Variants in PRSS55 observed in about 807,000 individuals in gnomAD.
The protein encoded by PRSS55 is serine protease 55.
A neutral mutation model predicts 23.6 loss-of-function variants in PRSS55; 41 were observed. The observed-to-expected ratio is 1.74, with a 90% confidence interval of 1.35 to 2.26. The LOEUF (loss-of-function observed/expected upper bound fraction) is 2.26, where lower values mean the gene tolerates loss of function less well. PRSS55 is among the 30% of genes most tolerant of loss of function. The probability of loss-of-function intolerance (pLI) is 0.00; values close to 1 mark genes in which losing one functional copy is unlikely to be tolerated. For synonymous variants in PRSS55, 262 were observed against 175.5 expected (o/e 1.49, Z -3.90); for missense variants, 669 against 439.1 (o/e 1.52, Z -4.68).
intron 4 of PRSS55, chr8:10,545,254 A>G (rs7846484): frequency 0.57 from 86,024 of 150,810 alleles, 25,528 homozygotes; most frequent in South Asian, 0.74. Flanking sequence ...CTGGAGGGGA[A>G]TAGTGCAATC....
Position 10,526,193 on chromosome 8 carries a change from A to T in PRSS55, c.154+454A>T, listed in dbSNP as rs543432157. ...TTTCTTCTCCAAGGGGGTGGTCAAG[A>T]CTTCAGGGATGCTGGGGTACCTAGC... On this transcript the variant is annotated intron_variant, in intron 1 of 4. Transcript: ENST00000328655. Among the ~76,000 whole-genome samples, 36 of 152,268 alleles carry T rather than the reference A, an allele frequency of 2.4e-4. No individual in the cohort carries two copies. In the South Asian group the frequency reaches 5.6e-3, roughly 24 times the overall value.
rs188557013 is a variant in PRSS55 at position 10,548,253 on chromosome 8, G to C, written c.742-5690G>C. On this transcript the variant is annotated intron_variant, in intron 4 of 4. Coordinates refer to the PRSS55 transcript ENST00000522210. ...TCCCAGATGTCGCCTCAAGGTGGCAGAGTGACTCCAGACCAGGCACGAGGG... is the reference window on the plus strand; with the variant it reads ...TCCCAGATGTCGCCTCAAGGTGGCACAGTGACTCCAGACCAGGCACGAGGG... Among the ~76,000 whole-genome samples the C allele has an allele frequency of 5.3e-3, 800 of 152,296 alleles. 1 individual carries two copies. The highest frequency in any genetic ancestry group is 0.01 in the Middle Eastern group (3 of 294).
At chr8:10,546,017 C>T (rs1221053497) in intron 4 of PRSS55, among the ~76,000 whole-genome samples, 1 of 152,126 alleles carries the variant, frequency 6.6e-6, no homozygotes, top group Non-Finnish European at 1.5e-5. Flanking sequence ...GCGTGAGCAG[C>T]TGCTGGGCAC....
chr8:10,538,170 C>G (rs1341154709), intron 4 of PRSS55, among the ~76,000 whole-genome samples: 1 of 152,144 alleles, frequency 6.6e-6, no homozygotes, highest in African/African-American at 2.4e-5. Flanking sequence ...AAACAAGTCT[C>G]CACTCATCCC....
In PRSS55 at chr8:10,538,615, G is replaced by T. The variant is rs752222001; in HGVS notation, c.881G>T (p.Trp294Leu). The T allele has an allele frequency of 4.3e-6, 7 of 1,614,154 alleles. No individual in the cohort carries two copies. Among genetic ancestry groups the T allele is most frequent in the Non-Finnish European group, 5.9e-6 (7 of 1,180,030 alleles). ...IYTSLVNYNL[W>L]IEKVTQLEGR... ...ACCTCGTTGGTGAACTACAACCTCT[G>T]GATCGAGAAAGTGACCCAGCTAGAG... Residue 294 changes from tryptophan (W) to leucine (L), a missense_variant, in exon 5 of 5, where the codon TGG becomes TTG. Trp to Leu is a moderately conservative substitution (Grantham distance 61). Coordinates refer to ENST00000328655, the MANE Select transcript of PRSS55 (RefSeq NM_198464.4).
chr8:10,538,876 G>C, downstream of PRSS55: 2 of 1,367,376 alleles, frequency 1.5e-6, no homozygotes, highest in Non-Finnish European at 9.9e-7. Context: ...GCAGCTCAGG[G>C]CTCAAGGATG....
intron 4 of PRSS55, among the ~76,000 whole-genome samples, chr8:10,548,721 G>A (rs535782864): frequency 6.6e-6 from 1 of 152,292 alleles, no homozygotes; most frequent in Admixed American, 6.5e-5. Context: ...AGGCACCCAC[G>A]GCTCCAAAGC....
At chr8:10,548,427 G>A (rs1332437484) in intron 4 of PRSS55, among the ~76,000 whole-genome samples, 2 of 152,134 alleles carry the variant, frequency 1.3e-5, no homozygotes, top group Non-Finnish European at 2.9e-5. Flanking sequence ...CCTCCCGGTG[G>A]CTGCCACCCT....
intron 4 of PRSS55, among the ~76,000 whole-genome samples, chr8:10,552,840 C>G (rs886496542): frequency 6.6e-6 from 1 of 152,142 alleles, no homozygotes; most frequent in Non-Finnish European, 1.5e-5. Flanking sequence ...TTAATACAAC[C>G]AAAATGGGGA....
chr8:10,526,334 C>T (rs752375641), intron 1 of PRSS55, among the ~76,000 whole-genome samples: 9 of 152,184 alleles, frequency 5.9e-5, no homozygotes, highest in Non-Finnish European at 1.2e-4. Flanking sequence ...AGGATTTGCC[C>T]AAAGTTGCCC....
chr8:10,529,084 C>T (rs1812147306), intron 1 of PRSS55, among the ~76,000 whole-genome samples: 1 of 152,222 alleles, frequency 6.6e-6, no homozygotes, highest in Admixed American at 6.5e-5. Context: ...CCCCCCTTTC[C>T]TTGCAAGCTA....
chr8:10,526,900 G>A (rs763592148), intron 1 of PRSS55, among the ~76,000 whole-genome samples: 12 of 152,166 alleles, frequency 7.9e-5, no homozygotes, highest in East Asian at 1.9e-4. Context: ...TCCCTAAATC[G>A]TTTCGTGAAT....
intron 2 of PRSS55, among the ~76,000 whole-genome samples, chr8:10,530,281 C>T (rs1585868873): frequency 6.6e-6 from 1 of 152,096 alleles, no homozygotes; most frequent in Non-Finnish European, 1.5e-5. Context: ...TCGAGACTGG[C>T]CTGGCCAATA....
intron 4 of PRSS55, among the ~76,000 whole-genome samples, chr8:10,533,388 T>C (rs1049234476): frequency 1.3e-5 from 2 of 152,190 alleles, no homozygotes; most frequent in Non-Finnish European, 2.9e-5. Flanking sequence ...TTTAGTTCAT[T>C]AACTTAGAAA....
downstream of PRSS55, among the ~76,000 whole-genome samples, chr8:10,542,149 G>T (rs957387529): frequency 6.6e-6 from 1 of 152,156 alleles, no homozygotes; most frequent in Admixed American, 6.6e-5. Context: ...CCAGTCAATT[G>T]TGATTAGTTA....
intron 1 of PRSS55, among the ~76,000 whole-genome samples, chr8:10,526,064 G>A (rs1343777559): frequency 3.9e-5 from 6 of 152,128 alleles, no homozygotes; most frequent in South Asian, 4.1e-4. Flanking sequence ...TCAGCACCAG[G>A]CTTCCAGGAG....
chr8:10,534,804 T>C (rs571285092), intron 4 of PRSS55, among the ~76,000 whole-genome samples: 1 of 152,246 alleles, frequency 6.6e-6, no homozygotes, highest in South Asian at 2.1e-4. Context: ...TATGGTTCTA[T>C]ACCTGGAAAA....
At chr8:10,545,629 C>G (rs1812797693) in intron 4 of PRSS55, among the ~76,000 whole-genome samples, 1 of 152,164 alleles carries the variant, frequency 6.6e-6, no homozygotes, top group African/African-American at 2.4e-5. Flanking sequence ...CTACCAAGCC[C>G]AGGCTTTCTA....
At chr8:10,542,215 G>A (rs1321192263), downstream of PRSS55, among the ~76,000 whole-genome samples, 4 of 152,146 alleles carry the variant, frequency 2.6e-5, no homozygotes, top group Non-Finnish European at 5.9e-5. Flanking sequence ...GAGTCACACA[G>A]TGTAGTGTGT....
Sources: allele counts gnomAD v4.1 joint callset (sites outside exome capture counted in the v4.1 genomes callset), GRCh38; gene constraint gnomAD v4.1.1; transcripts MANE v1.5; gene names NCBI Gene and HGNC (gene_info 2026-07-23, HGNC 2026-07-21).